MMP16: variants seen among roughly 807,000 people sequenced by gnomAD.
The protein encoded by MMP16 is matrix metalloproteinase-16.
A neutral mutation model predicts 67.8 loss-of-function variants in MMP16; 12 were observed. The ratio of observed to expected loss-of-function variants is 0.18; its 90% CI spans 0.11 to 0.29. The LOEUF (loss-of-function observed/expected upper bound fraction) is 0.29. Among genes scored for constraint, MMP16 ranks in the 10% least tolerant of loss-of-function variants. The pLI is 1.00. For synonymous variants in MMP16, 249 were observed against 255.9 expected, an observed-to-expected ratio of 0.97 and a Z score of 0.26; for missense variants, 475 against 765.7, an observed-to-expected ratio of 0.62 and a Z score of 4.48.
At chr8:88,066,355 T>A (rs954361254) in intron 7 of MMP16, among the ~76,000 whole-genome samples, 1 of 152,024 alleles carries the variant, frequency 6.6e-6, no homozygotes, top group Admixed American at 6.6e-5. Context: ...GAAAGATAGC[T>A]AACTAGCACA....
intron 1 of MMP16, among the ~76,000 whole-genome samples, chr8:88,303,759 A>G (rs1445353935): frequency 1.3e-5 from 2 of 152,170 alleles, no homozygotes; most frequent in Non-Finnish European, 2.9e-5. Flanking sequence ...ACAAACAGAA[A>G]ACAACAACAT....
chr8:88,242,981 G>A (rs1810056052), intron 1 of MMP16, among the ~76,000 whole-genome samples: 2 of 152,086 alleles, frequency 1.3e-5, no homozygotes, highest in Non-Finnish European at 2.9e-5. Context: ...GAAAGTGATG[G>A]TAAACCTGTA....
At position 88,041,353 on chromosome 8, in the gene MMP16, G is replaced by A. The variant is rs373976974; in HGVS notation, c.*108C>T. On this transcript the variant is annotated 3_prime_UTR_variant, in exon 10 of 10. Coordinates refer to ENST00000286614, the MANE Select transcript of MMP16 (RefSeq NM_005941.5). This position sits in a 1 kb window ranked among gnomAD's most constrained non-coding sequence, Gnocchi z 6.0. ...GGTTTGAAAGGTCAGCCCCGAATCA[G>A]GCTGCCACAAGCCTGCTCCTAGCTA... The A allele has an allele frequency of 2.2e-5, 25 of 1,155,846 alleles. No homozygotes were observed. The East Asian group carries it at 4.5e-4, about 21-fold the overall frequency. 71.6% of individuals were successfully genotyped at this position (1,155,846 alleles called of 1,614,324 possible). A position where few individuals can be genotyped will look rare whatever the true frequency, so the allele number is the denominator to read the frequency against.
Position 88,041,890 on chromosome 8 carries a change from T to A in MMP16, c.1490-95A>T. 1.1e-6 allele frequency: 1 copy of A among 949,404 alleles called. No individual in the cohort carries two copies. Among genetic ancestry groups the A allele is most frequent in the South Asian group, 1.7e-5 (1 of 59,234 alleles). The allele number at this position is 949,404 out of a possible 1,614,324, so 58.8% of individuals were successfully genotyped here. ...CTAAAATAGGCTATGTCTTAAGAGA[T>A]GTATTTTAAGGCCCTTTAATTTTCA... On this transcript the variant is annotated intron_variant, in intron 9 of 9. Transcript: ENST00000286614. This position sits in a 1 kb window ranked among gnomAD's most constrained non-coding sequence, Gnocchi z 6.0.
chr8:88,082,582 A>G (rs1447899495), intron 6 of MMP16, among the ~76,000 whole-genome samples: 1 of 152,090 alleles, frequency 6.6e-6, no homozygotes, highest in African/African-American at 2.4e-5. Context: ...AGGATGGGAA[A>G]ATTTATCTAT....
intron 1 of MMP16, among the ~76,000 whole-genome samples, chr8:88,310,503 A>G (rs540299230): frequency 2.6e-5 from 4 of 152,244 alleles, no homozygotes; most frequent in African/African-American, 9.6e-5. Flanking sequence ...TGGATCAGAA[A>G]ATACCAGTTA....
At chr8:88,313,248 G>T (rs555780435) in intron 1 of MMP16, among the ~76,000 whole-genome samples, 30 of 152,150 alleles carry the variant, frequency 2.0e-4, no homozygotes, top group South Asian at 1.4e-3. Flanking sequence ...ATGCAGTGTT[G>T]CTGTGCTGGA....
At chr8:88,302,873 A>G (rs1811126234) in intron 1 of MMP16, among the ~76,000 whole-genome samples, 1 of 152,170 alleles carries the variant, frequency 6.6e-6, no homozygotes. Context: ...GAATGAAGAA[A>G]AGCAGGGAGG....
chr8:88,211,002 T>G (rs2129817643), intron 1 of MMP16, among the ~76,000 whole-genome samples: 1 of 152,290 alleles, frequency 6.6e-6, no homozygotes, highest in African/African-American at 2.4e-5. Context: ...TGAGAAGGGT[T>G]AATCAACTTG....
chr8:88,149,420 A>G (rs1167662508), intron 4 of MMP16, among the ~76,000 whole-genome samples: 1 of 152,110 alleles, frequency 6.6e-6, no homozygotes, highest in Non-Finnish European at 1.5e-5. Context: ...GCACAGACAA[A>G]CAAAAAGACA....
At chr8:88,115,491 T>C (rs1160786118) in intron 6 of MMP16, among the ~76,000 whole-genome samples, 1 of 152,050 alleles carries the variant, frequency 6.6e-6, no homozygotes, top group Non-Finnish European at 1.5e-5. Context: ...TTTATGCATA[T>C]TATATCGAAT....
chr8:88,080,695 C>T (rs1808734855), intron 6 of MMP16, among the ~76,000 whole-genome samples: 1 of 152,146 alleles, frequency 6.6e-6, no homozygotes, highest in Non-Finnish European at 1.5e-5. Flanking sequence ...CTTGGCCTCC[C>T]AAAGTGCTGG....
chr8:88,164,756 T>G (rs1808684206), intron 4 of MMP16, among the ~76,000 whole-genome samples: 1 of 151,940 alleles, frequency 6.6e-6, no homozygotes, highest in Non-Finnish European at 1.5e-5. Context: ...GTCATTCGTC[T>G]ATGCGTAAAG....
At chr8:88,133,999 A>C (rs1022339670) in intron 4 of MMP16, among the ~76,000 whole-genome samples, 1 of 151,842 alleles carries the variant, frequency 6.6e-6, no homozygotes, top group Admixed American at 6.6e-5. Context: ...AATGGAATGT[A>C]AAAACAAAGA....
intron 7 of MMP16, among the ~76,000 whole-genome samples, chr8:88,064,550 G>A (rs3780075): frequency 4.6e-5 from 7 of 151,916 alleles, no homozygotes; most frequent in East Asian, 3.9e-4. Flanking sequence ...CTTAATGCTC[G>A]CTTGGAATTC....
At chr8:88,116,261 T>G (rs139976460) in intron 6 of MMP16, among the ~76,000 whole-genome samples, 11 of 152,224 alleles carry the variant, frequency 7.2e-5, no homozygotes, top group African/African-American at 2.6e-4. Flanking sequence ...AGCATTTTTT[T>G]TACCCTCACA....
intron 1 of MMP16, among the ~76,000 whole-genome samples, chr8:88,270,265 T>C (rs1029976245): frequency 1.3e-5 from 2 of 152,218 alleles, no homozygotes; most frequent in African/African-American, 4.8e-5. Context: ...GAAACAATTT[T>C]AATAAATTTT....
chr8:88,323,307 A>C (rs987541778), intron 1 of MMP16, among the ~76,000 whole-genome samples: 2 of 152,194 alleles, frequency 1.3e-5, no homozygotes, highest in African/African-American at 4.8e-5. Flanking sequence ...TGCAATACAA[A>C]AGTACCCAAT....
intron 1 of MMP16, among the ~76,000 whole-genome samples, chr8:88,221,253 C>A (rs1391360202): frequency 6.6e-6 from 1 of 152,052 alleles, no homozygotes; most frequent in African/African-American, 2.4e-5. Flanking sequence ...AATACTTCCT[C>A]AAGAGACATC....
Sources: gnomAD v4.1 joint callset for allele counts (sites outside exome capture counted in the v4.1 genomes callset) on GRCh38, gnomAD v4.1.1 for gene constraint, Gnocchi (gnomAD v3.1) non-coding constraint, MANE v1.5 for transcripts, NCBI Gene and HGNC (gene_info 2026-07-23, HGNC 2026-07-21) for gene names.